Variants in FAM83B observed in about 807,000 individuals in gnomAD.
FAM83B encodes the protein protein FAM83B.
In FAM83B, 26 loss-of-function variants were observed where a neutral mutation model predicts 38.8. The ratio of observed to expected loss-of-function variants is 0.67; its 90% CI spans 0.49 to 0.93. The LOEUF is 0.93. FAM83B is among the 40% of genes least tolerant of loss of function. The pLI, the probability that FAM83B is intolerant of heterozygous loss-of-function variation, is 0.00. For synonymous variants in FAM83B, 419 were observed against 423.1 expected, an observed-to-expected ratio of 0.99 and a Z score of 0.12; for missense variants, 1,237 against 1,197.3, an observed-to-expected ratio of 1.03 and a Z score of -0.49.
intron 2 of FAM83B, among the ~76,000 whole-genome samples, chr6:54,894,678 G>A (rs922281332): frequency 7.9e-5 from 12 of 152,274 alleles, no homozygotes; most frequent in Admixed American, 7.2e-4. Flanking sequence ...TACAAAGCCT[G>A]CTACTTAAGT....
chr6:54,862,874 C>G (rs1771618560), intron 1 of FAM83B, among the ~76,000 whole-genome samples: 1 of 151,588 alleles, frequency 6.6e-6, no homozygotes, highest in Non-Finnish European at 1.5e-5. Flanking sequence ...CAAAAACCCC[C>G]CCCCAAAAAA....
At chr6:54,934,595 G>T (rs988759330) in intron 4 of FAM83B, among the ~76,000 whole-genome samples, 1 of 152,140 alleles carries the variant, frequency 6.6e-6, no homozygotes, top group African/African-American at 2.4e-5. Flanking sequence ...AAAGAGAGCT[G>T]AGGGTCTGAT....
At chr6:54,857,548 T>C (rs1316989538) in intron 1 of FAM83B, among the ~76,000 whole-genome samples, 4 of 152,316 alleles carry the variant, frequency 2.6e-5, no homozygotes, top group Non-Finnish European at 4.4e-5. Flanking sequence ...TAGTTATTTC[T>C]CCTTTATAAT....
chr6:54,857,408 A>T lies in FAM83B; in HGVS notation c.-61+10582A>T, dbSNP rs75343705. Among the ~76,000 whole-genome samples, 536 of 152,222 alleles carry T rather than the reference A, an allele frequency of 3.5e-3. 3 individuals carry two copies. The highest frequency in any genetic ancestry group is 0.012 in the African/African-American group (516 of 41,532). On this transcript the variant is annotated intron_variant, in intron 1 of 4. Transcript: ENST00000306858. ...ATGTCTTTGTTGTAAATTATACTAC[A>T]TTTCTGAAACTGAGGTTGAACGAGA...
At chr6:54,847,185 C>G (rs1002545603) in intron 1 of FAM83B, among the ~76,000 whole-genome samples, 3 of 150,832 alleles carry the variant, frequency 2.0e-5, no homozygotes, top group South Asian at 2.1e-4. Flanking sequence ...AGGAGTGCGC[C>G]GAGGACCCCG....
intron 1 of FAM83B, among the ~76,000 whole-genome samples, chr6:54,852,469 T>G (rs1235128986): frequency 6.6e-6 from 1 of 152,226 alleles, no homozygotes; most frequent in Non-Finnish European, 1.5e-5. Flanking sequence ...ATGTTGTGTG[T>G]GTTCTGACTG....
At chr6:54,925,248 C>A (rs1773261808) in intron 2 of FAM83B, among the ~76,000 whole-genome samples, 1 of 152,138 alleles carries the variant, frequency 6.6e-6, no homozygotes, top group African/African-American at 2.4e-5. Flanking sequence ...AACCCATGAT[C>A]CCCTATTCTG....
At chr6:54,868,492 G>A (rs1771769872) in intron 1 of FAM83B, among the ~76,000 whole-genome samples, 1 of 152,164 alleles carries the variant, frequency 6.6e-6, no homozygotes, top group African/African-American at 2.4e-5. Flanking sequence ...CCCAATACAT[G>A]TCAATAGATT....
intron 2 of FAM83B, among the ~76,000 whole-genome samples, chr6:54,902,589 C>G (rs2127582515): frequency 6.6e-6 from 1 of 152,096 alleles, no homozygotes; most frequent in South Asian, 2.1e-4. Flanking sequence ...TCATAGTTAC[C>G]TTGTTTTTGA....
chr6:54,887,998 G>T lies in FAM83B; in HGVS notation c.444+17308G>T, dbSNP rs1334334964. Among the ~76,000 whole-genome samples, 12 of 143,498 alleles carry T rather than the reference G, an allele frequency of 8.4e-5. No homozygotes were observed. In the East Asian group the frequency reaches 2.3e-3, roughly 27 times the overall value. The allele number at this position is 143,498 out of a possible 152,430, so 94.1% of individuals were successfully genotyped here. A position where few individuals can be genotyped will look rare whatever the true frequency, so the allele number is the denominator to read the frequency against. The stretch of plus-strand genomic sequence containing the variant: ...CTGATTTCTTTTACTCACCCCATCT[G>T]TTCTTTATTCCTTTTTTTGTTTTTT... On this transcript the variant is annotated intron_variant, in intron 2 of 4. Coordinates refer to ENST00000306858, the MANE Select transcript of FAM83B (RefSeq NM_001010872.3).
chr6:54,927,535 C>A lies in FAM83B; in HGVS notation c.637C>A (p.Gln213Lys). Reference protein sequence around the residue: ...RNIRVRTVKGQDYLSKTGAKF... With the variant: ...RNIRVRTVKGKDYLSKTGAKF... Reference sequence around the variant, plus strand: ...TATTCGAGTGCGAACAGTAAAAGGCCAAGATTATCTTTCAAAAACAGGGGC... The same window carrying A: ...TATTCGAGTGCGAACAGTAAAAGGCAAAGATTATCTTTCAAAAACAGGGGC... The change falls in exon 4 of 5, where the codon CAA (glutamine) becomes AAA (lysine). Residue 213 changes from glutamine (Q) to lysine (K), a missense_variant. Coordinates refer to ENST00000306858, the MANE Select transcript of FAM83B (RefSeq NM_001010872.3). 1 of 1,605,920 alleles carries A rather than the reference C, an allele frequency of 6.2e-7. No individual in the cohort carries two copies. The highest frequency in any genetic ancestry group is 1.1e-5 in the South Asian group (1 of 90,006).
At position 54,862,869 on chromosome 6, in the gene FAM83B, A is replaced by AC. The variant is rs1001514399; in HGVS notation, c.-60-7309dup. On this transcript the variant is annotated intron_variant, in intron 1 of 4. Transcript: ENST00000306858. ...ATTGCACTCCAGGCTGGGTGCAAAA[A>AC]CCCCCCCCCAAAAAAACCACGAAAA... Among the ~76,000 whole-genome samples the AC allele has an allele frequency of 5.1e-3, 719 of 140,244 alleles. 2 individuals are homozygous for AC. The highest frequency in any genetic ancestry group is 6.8e-3 in the Non-Finnish European group (432 of 63,994). The allele number at this position is 140,244 out of a possible 152,430, so 92.0% of individuals were successfully genotyped here.
chr6:54,941,609 A>G lies in FAM83B; in HGVS notation c.2638A>G (p.Arg880Gly). 6.2e-7 allele frequency: 1 copy of G among 1,614,136 alleles called. No homozygotes were observed. The highest frequency in any genetic ancestry group is 8.5e-7 in the Non-Finnish European group (1 of 1,180,034). The change falls in exon 5 of 5, where the codon AGG becomes GGG. Residue 880 changes from arginine (R) to glycine (G), a missense_variant. Transcript: ENST00000306858. ...TCCAGTTGAAAGCAAGTTCTTGGAA[A>G]GGGCAGGAGATGCCTCTGCCCCAAG... Reference protein sequence around the residue: ...PGPVESKFLERAGDASAPRFN... With the variant: ...PGPVESKFLEGAGDASAPRFN...
Position 54,943,573 on chromosome 6 carries a change from T to C in FAM83B, c.*1566T>C, listed in dbSNP as rs191148472. 2.6e-5 allele frequency: 4 copies of C among 152,232 alleles called. No individual in the cohort carries two copies. In the East Asian group the frequency reaches 7.7e-4, roughly 29 times the overall value. 9.4% of individuals were successfully genotyped at this position (152,232 alleles called of 1,614,324 possible). ...CATTAAAATAATTTAAATAATGGTA[T>C]AAAATATCTATATCATTAAAATAAT... On this transcript the variant is annotated 3_prime_UTR_variant, in exon 5 of 5. Coordinates refer to ENST00000306858, the MANE Select transcript of FAM83B (RefSeq NM_001010872.3).
Position 54,942,480 on chromosome 6 carries a change from T to C in FAM83B, c.*473T>C, listed in dbSNP as rs1008405247. Among the ~76,000 whole-genome samples, 4 of 152,200 alleles carry C rather than the reference T, an allele frequency of 2.6e-5. No individual in the cohort carries two copies. Among genetic ancestry groups the C allele is most frequent in the Admixed American group, 2.0e-4 (3 of 15,282 alleles). On this transcript the variant is annotated 3_prime_UTR_variant, in exon 5 of 5. Transcript: ENST00000306858. Reference sequence around the variant, plus strand: ...ACTTGAAGTTCTACGGGATAACTTGTTATATTTTATTAATATTATTTTTTC... The same window carrying C: ...ACTTGAAGTTCTACGGGATAACTTGCTATATTTTATTAATATTATTTTTTC...
chr6:54,932,315 CATAAAACATTTTAA>C (rs1405466932), intron 4 of FAM83B, among the ~76,000 whole-genome samples: 1 of 152,054 alleles, frequency 6.6e-6, no homozygotes, highest in Non-Finnish European at 1.5e-5. Context: ...CATGGCCTTA[CATAAAACATTTTAA>C]AGTAATAGCA....
intron 1 of FAM83B, among the ~76,000 whole-genome samples, chr6:54,856,512 T>C (rs762895260): frequency 7.2e-5 from 11 of 152,214 alleles, no homozygotes; most frequent in Non-Finnish European, 1.3e-4. Flanking sequence ...ACTGTTCATA[T>C]GTAACCCACA....
chr6:54,941,448 C>G lies in FAM83B; in HGVS notation c.2477C>G (p.Ser826Ter). The G allele has an allele frequency of 6.2e-7, 1 of 1,613,042 alleles. No individual in the cohort carries two copies. The highest frequency in any genetic ancestry group is 8.5e-7 in the Non-Finnish European group (1 of 1,179,804). ...AAGAAATCAGACACAAAAGTTGATTCATCTCCTAGAAGAAAGCATTCTTCC... is the reference window on the plus strand; with the variant it reads ...AAGAAATCAGACACAAAAGTTGATTGATCTCCTAGAAGAAAGCATTCTTCC... Reference protein sequence around the residue: ...KPKKSDTKVDSSPRRKHSSSS... With the variant: ...KPKKSDTKVD Residue 826 changes from serine to a stop codon, truncating the protein, a stop_gained, in exon 5 of 5, where the codon TCA becomes TGA. Coordinates refer to ENST00000306858, the MANE Select transcript of FAM83B (RefSeq NM_001010872.3). LOFTEE classifies it low-confidence loss of function (END_TRUNC).
chr6:54,886,215 G>A (rs1374076340), intron 2 of FAM83B, among the ~76,000 whole-genome samples: 2 of 151,942 alleles, frequency 1.3e-5, no homozygotes, highest in Non-Finnish European at 2.9e-5. Context: ...TTGTGTTTAT[G>A]TTCAGAAGAA....
Sources: allele counts gnomAD v4.1 joint callset (sites outside exome capture counted in the v4.1 genomes callset), GRCh38; gene constraint gnomAD v4.1.1; transcripts MANE v1.5; gene names NCBI Gene and HGNC (gene_info 2026-07-23, HGNC 2026-07-21).